The following SP1 variants were observed in gnomAD, a reference collection of about 807,000 sequenced individuals.
SP1 encodes transcription factor Sp1.
In SP1, 6 loss-of-function variants were observed where a neutral mutation model predicts 66.3. The observed-to-expected ratio is 0.09, with a 90% CI of 0.05 to 0.18. The LOEUF is 0.18. Among genes scored for constraint, SP1 ranks in the 10% least tolerant of loss-of-function variants. The pLI is 1.00. For synonymous variants in SP1, 417 were observed against 360.8 expected, an observed-to-expected ratio of 1.16 and a Z score of -1.77; for missense variants, 848 against 964.5, an observed-to-expected ratio of 0.88 and a Z score of 1.60.
Position 53,383,098 on chromosome 12 carries a change from A to AGG in SP1, c.1152_1153insGG (p.Gln385GlyfsTer22). 6.2e-7 allele frequency: 1 copy of AGG among 1,614,234 alleles called. No homozygotes were observed. Among genetic ancestry groups the AGG allele is most frequent in the Non-Finnish European group, 8.5e-7 (1 of 1,180,050 alleles). Reference sequence around the variant, plus strand: ...TCTGGAGGCTCATTGCAAGCAGGCCAGCAAAAAGAAGGAGAGCAAAACCAG... The same window carrying AGG: ...TCTGGAGGCTCATTGCAAGCAGGCCAGGGCAAAAAGAAGGAGAGCAAAACCAG... On this transcript the variant is annotated frameshift_variant, in exon 3 of 6. Transcript: ENST00000327443. LOFTEE classifies it high-confidence loss of function.
chr12:53,387,127 T>TCC (rs1278512394), intron 3 of SP1, among the ~76,000 whole-genome samples: 2 of 151,882 alleles, frequency 1.3e-5, no homozygotes, highest in East Asian at 3.9e-4. Context: ...TTTTTTGTAT[T>TCC]TTTTTAGTAG....
rs1231998026 is a variant in SP1, at chr12:53,380,430, C to T, written c.7+132C>T. 8.7e-6 allele frequency: 7 copies of T among 807,322 alleles called. No individual in the cohort carries two copies. The East Asian group carries it at 1.8e-4, about 21-fold the overall frequency. 50.0% of individuals were successfully genotyped at this position (807,322 alleles called of 1,614,324 possible). On this transcript the variant is annotated intron_variant, in intron 1 of 5. Coordinates refer to ENST00000327443, the MANE Select transcript of SP1 (RefSeq NM_138473.3). ...GCGGCGGCGGCGGCCTAGGTCCCGC[C>T]CGGGGCGGAGGGAAGGGAGGGAGAC...
rs1381183773 is a variant in SP1 at position 53,409,344 on chromosome 12, TTG to T, written c.1845-14_1845-13del. On this transcript the variant is annotated splice_polypyrimidine_tract_variant and intron_variant, in intron 4 of 5. Coordinates refer to ENST00000327443, the MANE Select transcript of SP1 (RefSeq NM_138473.3). ...TTTCTCTAGAATGAATGATTAACAGTTGTGTCCTCACTTTCAGGGGCTCGGGG... is the reference window on the plus strand; with the variant it reads ...TTTCTCTAGAATGAATGATTAACAGTTGTCCTCACTTTCAGGGGCTCGGGG... The T allele has an allele frequency of 1.9e-6, 3 of 1,607,266 alleles. No homozygotes were observed. The highest frequency in any genetic ancestry group is 4.5e-5 in the East Asian group (2 of 44,862).
intron 3 of SP1, among the ~76,000 whole-genome samples, chr12:53,397,464 A>ATT (rs62722560): frequency 3.6e-5 from 5 of 137,354 alleles, no homozygotes; most frequent in Non-Finnish European, 4.7e-5. Flanking sequence ...TAATATAGTA[A>ATT]TTTTTTTTTT....
chr12:53,382,753 T>C lies in SP1; in HGVS notation c.806T>C (p.Val269Ala). The change falls in exon 3 of 6, where the codon GTC (valine) becomes GCC (alanine). Residue 269 changes from valine (V) to alanine (A), a missense_variant. Val to Ala is a moderately conservative substitution (Grantham distance 64). This residue lies in a region of SP1 where 606 missense variants were observed against 589.9 expected (regional missense o/e 1.03). Transcript: ENST00000327443. ...AATGGGAACATCACCTTGCTACCTG[T>C]CAACAGCGTTTCTGCAGCTACCTTG... ...ALNGNITLLPVNSVSAATLTP... is the reference protein window; with the variant it reads ...ALNGNITLLPANSVSAATLTP... The C allele has an allele frequency of 6.2e-7, 1 of 1,614,144 alleles. No homozygotes were observed. The highest frequency in any genetic ancestry group is 8.5e-7 in the Non-Finnish European group (1 of 1,180,024).
chr12:53,406,686 C>T lies in SP1; in HGVS notation c.1777C>T (p.Pro593Ser). The change falls in exon 4 of 6, where the codon CCC becomes TCC. Residue 593 changes from proline (P) to serine (S), a missense_variant. This residue lies in a region of SP1 where 26 missense variants were observed against 49.2 expected (regional missense o/e 0.53). Transcript: ENST00000327443. ...AGGAGAAAACAGCCCAGATGCCCAA[C>T]CCCAAGCCGGTCGGAGGACCCGGCG... is the stretch of plus-strand genomic sequence containing the variant. ...EEGENSPDAQ[P>S]QAGRRTRREA... 2 of 1,614,142 alleles carry T rather than the reference C, an allele frequency of 1.2e-6. No homozygotes were observed. Among genetic ancestry groups the T allele is most frequent in the Admixed American group, 3.3e-5 (2 of 60,002 alleles).
At position 53,382,910 on chromosome 12, in the gene SP1, C is replaced by T; in HGVS notation, c.963C>T (p.Phe321=). The T allele has an allele frequency of 1.2e-6, 2 of 1,614,178 alleles. No individual in the cohort carries two copies. The highest frequency in any genetic ancestry group is 1.7e-6 in the Non-Finnish European group (2 of 1,180,018). ...VSSQASSSSF[F]TNANSYSTTT... is the part of the protein sequence containing the mutation. ...CACAAGCCAGTTCCAGCTCCTTTTT[C>T]ACCAATGCCAATAGCTACTCAACTA... Residue 321 remains phenylalanine, a synonymous_variant, in exon 3 of 6, where the codon TTC becomes TTT. Transcript: ENST00000327443.
chr12:53,388,976 T>TAAAAA (rs1938288720), intron 3 of SP1, among the ~76,000 whole-genome samples: 1 of 107,114 alleles, frequency 9.3e-6, no homozygotes, highest in Non-Finnish European at 2.0e-5. Flanking sequence ...TGAGTCCCTG[T>TAAAAA]CAAAAAAAAA....
chr12:53,406,478 T>A lies in SP1; in HGVS notation c.1676-107T>A. ...TTCAAAACTTGTGATACTGTGAATG[T>A]AGGATGTCAGTTCAAAAGAAATGAT... On this transcript the variant is annotated intron_variant, in intron 3 of 5. Transcript: ENST00000327443. The A allele has an allele frequency of 3.3e-6, 3 of 914,036 alleles. No homozygotes were observed. In the South Asian group the frequency reaches 4.7e-5, roughly 14 times the overall value. 56.6% of individuals were successfully genotyped at this position (914,036 alleles called of 1,614,324 possible).
chr12:53,409,437 C>T lies in SP1; in HGVS notation c.1920C>T (p.Thr640=), dbSNP rs1274908299. ...IQGCGKVYGK[T]SHLRAHLRWH... is the part of the protein sequence containing the mutation. ...GCTGTGGGAAAGTGTATGGCAAGAC[C>T]TCTCACCTGCGGGCACACTTGCGCT... The change falls in exon 5 of 6, where the codon ACC becomes ACT. Residue 640 remains threonine (T), a synonymous_variant. Transcript: ENST00000327443. 6.2e-7 allele frequency: 1 copy of T among 1,613,922 alleles called. No homozygotes were observed. The highest frequency in any genetic ancestry group is 8.5e-7 in the Non-Finnish European group (1 of 1,179,994).
chr12:53,381,071 C>T (rs560581432), intron 1 of SP1, among the ~76,000 whole-genome samples: 1 of 150,820 alleles, frequency 6.6e-6, no homozygotes, highest in African/African-American at 2.4e-5. Context: ...CCTGCCTCAG[C>T]CTCCGGGAGT....
chr12:53,403,804 G>C (rs1379190895), intron 3 of SP1, among the ~76,000 whole-genome samples: 2 of 152,118 alleles, frequency 1.3e-5, no homozygotes, highest in Admixed American at 1.3e-4. Context: ...ATTTTGGGGG[G>C]CTGAGGCGGG....
intron 5 of SP1, among the ~76,000 whole-genome samples, chr12:53,410,681 A>AT (rs1273924414): frequency 4.0e-5 from 6 of 151,566 alleles, no homozygotes; most frequent in Admixed American, 1.3e-4. Context: ...AATTTTTTGT[A>AT]TTTTTAGTAG....
At position 53,382,190 on chromosome 12, in the gene SP1, C is replaced by T; in HGVS notation, c.243C>T (p.Ser81=). The change falls in exon 3 of 6, where the codon TCC becomes TCT. Residue 81 remains serine (S), a synonymous_variant. Coordinates refer to ENST00000327443, the MANE Select transcript of SP1 (RefSeq NM_138473.3). ...IESPNENSNN[S]QGPSQSGGTG... is the part of the protein sequence containing the mutation. ...CACCCAATGAGAACAGCAACAACTC[C>T]CAGGGCCCGAGTCAGTCAGGGGGAA... 2 of 1,614,152 alleles carry T rather than the reference C, an allele frequency of 1.2e-6. No homozygotes were observed. The highest frequency in any genetic ancestry group is 1.7e-6 in the Non-Finnish European group (2 of 1,180,034).
Position 53,384,430 on chromosome 12 carries a change from G to A in SP1, c.1675+808G>A, listed in dbSNP as rs1024860332. On this transcript the variant is annotated intron_variant, in intron 3 of 5. Transcript: ENST00000327443. ...TTCTTGAGTAGCTGGGATTGCAGGC[G>A]AGCACCACCACGCCCAGCTAATCTT... Among the ~76,000 whole-genome samples, 7 of 151,692 alleles carry A rather than the reference G, an allele frequency of 4.6e-5. No individual in the cohort carries two copies. The East Asian group carries it at 9.7e-4, about 21-fold the overall frequency.
chr12:53,387,132 T>A (rs1938248144), intron 3 of SP1, among the ~76,000 whole-genome samples: 1 of 151,822 alleles, frequency 6.6e-6, no homozygotes, highest in Non-Finnish European at 1.5e-5. Flanking sequence ...TGTATTTTTT[T>A]AGTAGCGATT....
chr12:53,397,201 A>G (rs7133236), intron 3 of SP1, among the ~76,000 whole-genome samples: 27,639 of 151,536 alleles, frequency 0.18, 2,621 homozygotes, highest in African/African-American at 0.21. Context: ...AGTAGAGAGG[A>G]GACTTCAGCT....
chr12:53,405,963 T>A (rs12422479), intron 3 of SP1, among the ~76,000 whole-genome samples: 3,417 of 150,670 alleles, frequency 0.023, 62 homozygotes, highest in Middle Eastern at 0.041. Context: ...AACCTACACG[T>A]TGTGCACATG....
Position 53,388,815 on chromosome 12 carries a change from A to G in SP1, c.1675+5193A>G, listed in dbSNP as rs1420712552. Among the ~76,000 whole-genome samples the G allele has an allele frequency of 2.0e-5, 3 of 152,024 alleles. No individual in the cohort carries two copies. In the East Asian group the frequency reaches 5.8e-4, roughly 29 times the overall value. On this transcript the variant is annotated intron_variant, in intron 3 of 5. Coordinates refer to ENST00000327443, the MANE Select transcript of SP1 (RefSeq NM_138473.3). ...GGCAACATAGGGATCCCCCATCTCT[A>G]CAAAAAATATGAAAATTACCTGAGC... is the stretch of plus-strand genomic sequence containing the variant.
Sources: allele counts gnomAD v4.1 joint callset (sites outside exome capture counted in the v4.1 genomes callset), GRCh38; gene constraint gnomAD v4.1.1; regional missense constraint gnomAD v4.1.1; transcripts MANE v1.5; gene names NCBI Gene and HGNC (gene_info 2026-07-23, HGNC 2026-07-21).